The following PDGFRA variants were observed in gnomAD, a reference collection of about 807,000 sequenced individuals.
PDGFRA encodes the protein platelet derived growth factor receptor alpha.
Under a neutral mutation model 121.5 loss-of-function variants are expected in PDGFRA, and 25 were observed. The observed-to-expected ratio is 0.21, with a 90% CI of 0.15 to 0.29. The LOEUF (loss-of-function observed/expected upper bound fraction) is 0.29. PDGFRA is among the 10% of genes least tolerant of loss of function. The pLI, the probability that PDGFRA is intolerant of heterozygous loss-of-function variation, is 1.00. For synonymous variants in PDGFRA, 463 were observed against 494.8 expected (o/e 0.94, Z 0.85); for missense variants, 1,008 against 1,345.1 (o/e 0.75, Z 3.92).
At chr4:54,286,697 C>G (rs1394407728) in intron 18 of PDGFRA, among the ~76,000 whole-genome samples, 3 of 152,148 alleles carry the variant, frequency 2.0e-5, no homozygotes, top group African/African-American at 7.2e-5. Context: ...TATGCATGGA[C>G]AAGCATGCAT....
chr4:54,248,457 C>A (rs1437756483), intron 1 of PDGFRA, among the ~76,000 whole-genome samples: 1 of 152,174 alleles, frequency 6.6e-6, no homozygotes. Context: ...GAAAAACAAG[C>A]AATGGGGAAA....
At chr4:54,250,906 A>C (rs1722020661) in intron 1 of PDGFRA, among the ~76,000 whole-genome samples, 1 of 152,024 alleles carries the variant, frequency 6.6e-6, no homozygotes, top group South Asian at 2.1e-4. Context: ...CTCTACTAAA[A>C]ATACAAAAAT....
chr4:54,290,507 T>G lies in PDGFRA; in HGVS notation c.3075T>G (p.Ile1025Met), dbSNP rs754302100. The G allele has an allele frequency of 6.2e-7, 1 of 1,614,110 alleles. No individual in the cohort carries two copies. Residue 1025 changes from isoleucine (I) to methionine (M), a missense_variant, in exon 22 of 23, where the codon ATT becomes ATG. This residue lies in a region of PDGFRA where 204 missense variants were observed against 243.0 expected (regional missense o/e 0.84). Transcript: ENST00000257290. ...GCTACATCATTCCTCTGCCTGACAT[T>G]GACCCTGTCCCTGAGGAGGAGGACC... ...DSGYIIPLPD[I>M]DPVPEEEDLG...
At chr4:54,236,456 A>G (rs1484224435) in intron 1 of PDGFRA, among the ~76,000 whole-genome samples, 2 of 152,234 alleles carry the variant, frequency 1.3e-5, no homozygotes, top group Admixed American at 6.5e-5. Context: ...TGGGGCAAGC[A>G]CTGCCATTAT....
At chr4:54,245,234 C>T (rs1025144729) in intron 1 of PDGFRA, among the ~76,000 whole-genome samples, 3 of 152,256 alleles carry the variant, frequency 2.0e-5, no homozygotes, top group African/African-American at 7.2e-5. Flanking sequence ...AAAGATACTC[C>T]TCGAGAAGAG....
rs1270272079 is a variant in PDGFRA, at chr4:54,270,828, G to T, written c.1237+80G>T. On this transcript the variant is annotated intron_variant, in intron 8 of 22. Coordinates refer to ENST00000257290, the MANE Select transcript of PDGFRA (RefSeq NM_006206.6). The stretch of plus-strand genomic sequence containing the variant: ...GGAAAGCCTGGCACTTTTCTCCCCG[G>T]TCATGGAAGAAAAGCAGCACTTAGG... 3.7e-5 allele frequency: 30 copies of T among 815,300 alleles called. No homozygotes were observed. The East Asian group carries it at 7.0e-4, about 19-fold the overall frequency. The allele number at this position is 815,300 out of a possible 1,614,324, so 50.5% of individuals were successfully genotyped here.
chr4:54,298,060 GA>G lies in PDGFRA; in HGVS notation c.*2791del, dbSNP rs1038633364. The G allele has an allele frequency of 4.4e-6, 1 of 226,114 alleles. No homozygotes were observed. The highest frequency in any genetic ancestry group is 8.8e-6 in the Non-Finnish European group (1 of 113,456). The allele number at this position is 226,114 out of a possible 1,614,324, so 14.0% of individuals were successfully genotyped here. ...TTGAATGTCCAAAATTTATATTTTA[GA>G]AATAATAAAAAGAAAGATACTTACA... On this transcript the variant is annotated 3_prime_UTR_variant, in exon 23 of 23. Transcript: ENST00000257290.
In PDGFRA at chr4:54,275,755, C is replaced by T. The variant is rs777495675; in HGVS notation, c.1786+782C>T. On this transcript the variant is annotated intron_variant, in intron 12 of 22. Coordinates refer to ENST00000257290, the MANE Select transcript of PDGFRA (RefSeq NM_006206.6). ...AAGCAAGGCACCAGAGTGAAATCAC[C>T]TTTGCAAAAATTGTAACTGAGGAAA... Among the ~76,000 whole-genome samples the T allele has an allele frequency of 1.2e-4, 19 of 152,176 alleles. 1 individual carries two copies. Among genetic ancestry groups the T allele is most frequent in the Admixed American group, 1.1e-3 (17 of 15,270 alleles).
intron 1 of PDGFRA, among the ~76,000 whole-genome samples, chr4:54,239,574 C>A (rs898543841): frequency 6.6e-6 from 1 of 152,180 alleles, no homozygotes; most frequent in Non-Finnish European, 1.5e-5. Context: ...TGGGCTTCAC[C>A]GGTGGGTGAG....
chr4:54,291,417 G>A (rs1236702624), intron 22 of PDGFRA, among the ~76,000 whole-genome samples: 1 of 152,188 alleles, frequency 6.6e-6, no homozygotes, highest in African/African-American at 2.4e-5. Context: ...GCCAGTTAAA[G>A]TTCAAATTAT....
chr4:54,275,206 G>A (rs1265593972), intron 12 of PDGFRA, among the ~76,000 whole-genome samples: 1 of 152,120 alleles, frequency 6.6e-6, no homozygotes, highest in Admixed American at 6.5e-5. Flanking sequence ...TTTACAAAGG[G>A]AGAAGAGAAT....
intron 17 of PDGFRA, 94 bp from the exon 18 acceptor site, chr4:54,285,747 C>T (rs1724322879): frequency 1.5e-6 from 2 of 1,376,080 alleles, no homozygotes; most frequent in Non-Finnish European, 2.1e-6. Context: ...GCAGACAGCT[C>T]CAAGTGCCAC....
At chr4:54,265,095 G>A in intron 5 of PDGFRA, 46 bp downstream of exon 5, 1 of 1,602,682 alleles carries the variant, frequency 6.2e-7, no homozygotes, top group Non-Finnish European at 8.5e-7. Flanking sequence ...GAGCAACAGG[G>A]CTCAGAAGAC....
At chr4:54,288,740 G>A (rs1724475626) in intron 19 of PDGFRA, 59 bp from the exon 20 acceptor site, 5 of 925,442 alleles carry the variant, frequency 5.4e-6, no homozygotes, top group Middle Eastern at 2.1e-4. Flanking sequence ...ATCATGCCAA[G>A]TGTTTCAGCA....
At chr4:54,248,133 A>T (rs1416060108) in intron 1 of PDGFRA, among the ~76,000 whole-genome samples, 9 of 152,226 alleles carry the variant, frequency 5.9e-5, no homozygotes, top group Admixed American at 5.9e-4. Flanking sequence ...GAAAATGGCC[A>T]TACTGCCTAA....
At chr4:54,261,433 G>A (rs1372067001) in intron 3 of PDGFRA, 21 bp downstream of exon 3, 6 of 1,561,676 alleles carry the variant, frequency 3.8e-6, no homozygotes, top group Non-Finnish European at 4.4e-6. Flanking sequence ...TGGGTCTCCA[G>A]GACCAAGCTT....
intron 22 of PDGFRA, among the ~76,000 whole-genome samples, chr4:54,290,918 G>A (rs1458600313): frequency 6.6e-6 from 1 of 152,174 alleles, no homozygotes; most frequent in Non-Finnish European, 1.5e-5. Flanking sequence ...GGGAAAAAGT[G>A]AAGAGAGGCG....
intron 1 of PDGFRA, among the ~76,000 whole-genome samples, chr4:54,249,022 G>C (rs1362919499): frequency 2.0e-5 from 3 of 152,216 alleles, no homozygotes; most frequent in East Asian, 1.9e-4. Flanking sequence ...CAATGAGATA[G>C]CATCTCACAC....
chr4:54,290,618 A>G, intron 22 of PDGFRA, 64 bp downstream of exon 22: 1 of 1,589,926 alleles, frequency 6.3e-7, no homozygotes, highest in Admixed American at 1.7e-5. Flanking sequence ...GAAGGAGAGG[A>G]CCCATTTTCC....
Sources: gnomAD v4.1 joint callset for allele counts (sites outside exome capture counted in the v4.1 genomes callset) on GRCh38, gnomAD v4.1.1 for gene constraint, gnomAD v4.1.1 regional missense constraint, MANE v1.5 for transcripts, NCBI Gene and HGNC (gene_info 2026-07-23, HGNC 2026-07-21) for gene names.